ZNF331: variants seen among roughly 807,000 people sequenced by gnomAD.
The protein encoded by ZNF331 is C2H2-like zinc finger protein rearranged in thyroid adenomas.
In ZNF331, 2 loss-of-function variants were observed where a neutral mutation model predicts 7.0. The observed-to-expected ratio is 0.29, with a 90% CI of 0.12 to 0.90. The LOEUF is 0.90. Ranked by LOEUF, ZNF331 falls within the 40% of genes least tolerant of loss-of-function variation. The pLI, the probability that ZNF331 is intolerant of heterozygous loss-of-function variation, is 0.58. For synonymous variants in ZNF331, 196 were observed against 205.4 expected (o/e 0.95, Z 0.39); for missense variants, 432 against 587.7 (o/e 0.74, Z 2.74).
chr19:53,539,923 AT>A lies in ZNF331; in HGVS notation c.-138+642del, dbSNP rs1222994018. 6.6e-6 allele frequency among the ~76,000 whole-genome samples: 1 copy of A among 152,248 alleles called. No individual in the cohort carries two copies. The highest frequency in any genetic ancestry group is 1.5e-5 in the Non-Finnish European group (1 of 68,050). Reference sequence around the variant, plus strand: ...CAGCTACAAAGAAGTAAGTTTAGTTATAACCGTAAGAAAGAAAAATGCACCT... The same window carrying A: ...CAGCTACAAAGAAGTAAGTTTAGTTAAACCGTAAGAAAGAAAAATGCACCT... On this transcript the variant is annotated intron_variant, in intron 2 of 5. Coordinates refer to ENST00000449416, the MANE Select transcript of ZNF331 (RefSeq NM_001079906.2). This position sits in a 1 kb window ranked among gnomAD's most constrained non-coding sequence, Gnocchi z 6.1.
intron 2 of ZNF331, among the ~76,000 whole-genome samples, chr19:53,543,049 T>G (rs2088291457): frequency 6.6e-6 from 1 of 152,092 alleles, no homozygotes; most frequent in Non-Finnish European, 1.5e-5. Flanking sequence ...CCTCAGGTGA[T>G]CCACCTGCCT....
At chr19:53,543,411 C>T (rs1338334490) in intron 2 of ZNF331, among the ~76,000 whole-genome samples, 1 of 152,030 alleles carries the variant, frequency 6.6e-6, no homozygotes, top group African/African-American at 2.4e-5. Context: ...TACAAGCGCG[C>T]ACCACCATGC....
intron 2 of ZNF331, among the ~76,000 whole-genome samples, chr19:53,525,115 T>C (rs1444396753): frequency 6.6e-6 from 1 of 152,170 alleles, no homozygotes; most frequent in African/African-American, 2.4e-5. Flanking sequence ...TTCTGTTCCA[T>C]TGGTCTATAT....
At chr19:53,544,095 C>T (rs984977887) in intron 2 of ZNF331, among the ~76,000 whole-genome samples, 1 of 151,252 alleles carries the variant, frequency 6.6e-6, no homozygotes, top group Non-Finnish European at 1.5e-5. Context: ...GGCGTGGTGG[C>T]ATGCACCTGT....
At chr19:53,526,449 G>A (rs1054631842) in intron 2 of ZNF331, among the ~76,000 whole-genome samples, 1 of 152,010 alleles carries the variant, frequency 6.6e-6, no homozygotes, top group African/African-American at 2.4e-5. Context: ...TGTTGTTAGT[G>A]TGTTCAGATT....
At chr19:53,564,371 C>T (rs998634793) in intron 3 of ZNF331, among the ~76,000 whole-genome samples, 2 of 151,878 alleles carry the variant, frequency 1.3e-5, no homozygotes, top group African/African-American at 2.4e-5. Flanking sequence ...CCTCTGCCTC[C>T]CGGGTCCCAG....
intron 2 of ZNF331, among the ~76,000 whole-genome samples, chr19:53,525,291 A>G (rs1241028080): frequency 1.3e-5 from 2 of 152,274 alleles, no homozygotes; most frequent in Non-Finnish European, 2.9e-5. Context: ...GTTTTTTCCA[A>G]TTCTGTGAAG....
At chr19:53,519,832 A>G (rs2086999663), upstream of ZNF331, among the ~76,000 whole-genome samples, 1 of 151,972 alleles carries the variant, frequency 6.6e-6, no homozygotes. Context: ...TCCCCAATCT[A>G]CTGGGGGGTG....
chr19:53,532,758 G>A (rs541291748), intron 2 of ZNF331, among the ~76,000 whole-genome samples: 8 of 152,250 alleles, frequency 5.3e-5, no homozygotes, highest in African/African-American at 1.9e-4. Flanking sequence ...GGTAGGTTGT[G>A]TGTTTCTAGG....
chr19:53,560,374 G>T lies in ZNF331; in HGVS notation c.-74+4466G>T, dbSNP rs1654049759. Among the ~76,000 whole-genome samples, 1 of 151,662 alleles carries T rather than the reference G, an allele frequency of 6.6e-6. No individual in the cohort carries two copies. The highest frequency in any genetic ancestry group is 6.6e-5 in the Admixed American group (1 of 15,216). On this transcript the variant is annotated intron_variant, in intron 3 of 5. Transcript: ENST00000449416. This position sits in a 1 kb window ranked among gnomAD's most constrained non-coding sequence, Gnocchi z 4.3. Reference sequence around the variant, plus strand: ...ATACAGACACATATACACACCCACAGATAGACACACATATACACAAACATA... The same window carrying T: ...ATACAGACACATATACACACCCACATATAGACACACATATACACAAACATA...
At chr19:53,574,535 C>T (rs932522337) in intron 5 of ZNF331, among the ~76,000 whole-genome samples, 6 of 80,280 alleles carry the variant, frequency 7.5e-5, no homozygotes, top group African/African-American at 4.5e-4. Context: ...CTGTGGGCCA[C>T]GCCTTTAGTA....
At chr19:53,543,083 A>G (rs2088295081) in intron 2 of ZNF331, among the ~76,000 whole-genome samples, 1 of 152,106 alleles carries the variant, frequency 6.6e-6, no homozygotes, top group Non-Finnish European at 1.5e-5. Context: ...TGCTGGGATT[A>G]CAGGCATGAG....
At chr19:53,559,834 A>G (rs1052410737) in intron 3 of ZNF331, among the ~76,000 whole-genome samples, 3 of 147,822 alleles carry the variant, frequency 2.0e-5, no homozygotes, top group African/African-American at 8.0e-5. Context: ...ACGTATATAC[A>G]TATATACATA....
chr19:53,543,346 C>G (rs915137902), intron 2 of ZNF331, among the ~76,000 whole-genome samples: 1 of 152,112 alleles, frequency 6.6e-6, no homozygotes, highest in Non-Finnish European at 1.5e-5. Flanking sequence ...TTCACTGAAC[C>G]TCCACCTTCC....
chr19:53,544,219 G>T (rs1280952030), intron 2 of ZNF331, among the ~76,000 whole-genome samples: 3 of 137,000 alleles, frequency 2.2e-5, no homozygotes, highest in African/African-American at 8.2e-5. Context: ...GCAAGACTCC[G>T]TCTCAAAAAA....
At chr19:53,567,285 T>C (rs543913580) in intron 3 of ZNF331, among the ~76,000 whole-genome samples, 24 of 152,210 alleles carry the variant, frequency 1.6e-4, no homozygotes, top group Non-Finnish European at 3.4e-4. Context: ...ATGTTGTGAG[T>C]AACATCACCC....
chr19:53,559,240 TACAC>T (rs1348629678), intron 3 of ZNF331, among the ~76,000 whole-genome samples: 7 of 119,252 alleles, frequency 5.9e-5, no homozygotes, highest in East Asian at 2.5e-4. Context: ...ACACCATACA[TACAC>T]ACACCCCATG....
chr19:53,579,643 G>T lies in ZNF331; in HGVS notation c.*1691G>T, dbSNP rs1422704587. 5.0e-6 allele frequency: 1 copy of T among 200,034 alleles called. No homozygotes were observed. Among genetic ancestry groups the T allele is most frequent in the African/African-American group, 2.3e-5 (1 of 43,482 alleles). The allele number at this position is 200,034 out of a possible 1,614,324, so 12.4% of individuals were successfully genotyped here. A position where few individuals can be genotyped will look rare whatever the true frequency, so the allele number is the denominator to read the frequency against. ...AACTCCCTGTGGGTGCAATGAGTCT[G>T]GAAAAGACCATTGAGTCTTCTAGAA... On this transcript the variant is annotated 3_prime_UTR_variant, in exon 6 of 6. Transcript: ENST00000449416.
Position 53,560,271 on chromosome 19 carries a change from C to T in ZNF331, c.-74+4363C>T, listed in dbSNP as rs2089798504. On this transcript the variant is annotated intron_variant, in intron 3 of 5. Coordinates refer to ENST00000449416, the MANE Select transcript of ZNF331 (RefSeq NM_001079906.2). The surrounding 1 kb of genome is among the most constrained non-coding windows in gnomAD (Gnocchi z 4.3). The stretch of plus-strand genomic sequence containing the variant: ...CACACACCATGCACCCACATATATA[C>T]ACACACCATATATATGCACATATAT... Among the ~76,000 whole-genome samples, 1 of 151,752 alleles carries T rather than the reference C, an allele frequency of 6.6e-6. No individual in the cohort carries two copies. Among genetic ancestry groups the T allele is most frequent in the Admixed American group, 6.6e-5 (1 of 15,206 alleles).
Sources: gnomAD v4.1 joint callset for allele counts (sites outside exome capture counted in the v4.1 genomes callset) on GRCh38, gnomAD v4.1.1 for gene constraint, Gnocchi (gnomAD v3.1) non-coding constraint, MANE v1.5 for transcripts, NCBI Gene and HGNC (gene_info 2026-07-23, HGNC 2026-07-21) for gene names.